SLC9A9: variants seen among roughly 807,000 people sequenced by gnomAD.
SLC9A9 encodes sodium/hydrogen exchanger 9.
A neutral mutation model predicts 77.8 loss-of-function variants in SLC9A9; 62 were observed. The ratio of observed to expected loss-of-function variants is 0.80; its 90% CI spans 0.65 to 0.98. The LOEUF is 0.98. SLC9A9 is among the 50% of genes least tolerant of loss of function. SLC9A9 has a pLI of 0.00. For synonymous variants in SLC9A9, 320 were observed against 283.5 expected (o/e 1.13, Z -1.29); for missense variants, 775 against 774.9 (o/e 1.00, Z 0.00).
chr3:143,624,533 G>C (rs1055174508), intron 6 of SLC9A9, among the ~76,000 whole-genome samples: 2 of 152,124 alleles, frequency 1.3e-5, no homozygotes, highest in African/African-American at 4.8e-5. Context: ...TATCTCAATA[G>C]GTGCAGAAAA....
Position 143,306,943 on chromosome 3 carries a change from T to C in SLC9A9, c.1605-37963A>G, listed in dbSNP as rs139257263. Among the ~76,000 whole-genome samples, 10 of 152,342 alleles carry C rather than the reference T, an allele frequency of 6.6e-5. No individual in the cohort carries two copies. In the East Asian group the frequency reaches 1.9e-3, roughly 29 times the overall value. On this transcript the variant is annotated intron_variant, in intron 14 of 15. Coordinates refer to ENST00000316549, the MANE Select transcript of SLC9A9 (RefSeq NM_173653.4). ...TACACATGCTATTTCCTTACTGTAGTTTGTATATGCATCCTTCAGGTCTCA... is the reference window on the plus strand; with the variant it reads ...TACACATGCTATTTCCTTACTGTAGCTTGTATATGCATCCTTCAGGTCTCA...
intron 1 of SLC9A9, among the ~76,000 whole-genome samples, chr3:143,844,531 CGGT>C (rs1209212334): frequency 6.6e-6 from 1 of 152,046 alleles, no homozygotes; most frequent in African/African-American, 2.4e-5. Flanking sequence ...GAACAGTACT[CGGT>C]GGAGTAGGGG....
intron 14 of SLC9A9, among the ~76,000 whole-genome samples, chr3:143,309,729 G>A (rs1337170381): frequency 6.6e-6 from 1 of 152,162 alleles, no homozygotes; most frequent in Non-Finnish European, 1.5e-5. Context: ...AAAAGAAAAG[G>A]TTGGAAAGAA....
rs570515602 is a variant in SLC9A9, at chr3:143,501,646, A to G, written c.1090-6198T>C. Among the ~76,000 whole-genome samples the G allele has an allele frequency of 3.3e-5, 5 of 150,976 alleles. 1 individual carries two copies. The highest frequency in any genetic ancestry group is 9.9e-5 in the African/African-American group (4 of 40,330). Reference sequence around the variant, plus strand: ...CTTTGACAATATGATAGAATCACTTATTTTCAATTGTAGATGGTTGTTGGC... The same window carrying G: ...CTTTGACAATATGATAGAATCACTTGTTTTCAATTGTAGATGGTTGTTGGC... On this transcript the variant is annotated intron_variant, in intron 9 of 15. Coordinates refer to ENST00000316549, the MANE Select transcript of SLC9A9 (RefSeq NM_173653.4).
chr3:143,821,048 C>T (rs928710846), intron 2 of SLC9A9, among the ~76,000 whole-genome samples: 1 of 152,124 alleles, frequency 6.6e-6, no homozygotes, highest in East Asian at 1.9e-4. Context: ...CAGCAAGGAC[C>T]ACAGTCACAG....
chr3:143,756,076 G>T (rs16854235), intron 4 of SLC9A9, among the ~76,000 whole-genome samples: 14,016 of 152,104 alleles, frequency 0.092, 2,088 homozygotes, highest in African/African-American at 0.32. Context: ...TAAAATACAG[G>T]GCCAGGTAAA....
At chr3:143,409,328 A>G (rs974254703) in intron 12 of SLC9A9, among the ~76,000 whole-genome samples, 5 of 152,182 alleles carry the variant, frequency 3.3e-5, no homozygotes, top group Non-Finnish European at 7.3e-5. Context: ...ATGCACAGAC[A>G]TTTTCAGGCA....
chr3:143,708,443 C>A (rs931910136), intron 4 of SLC9A9, among the ~76,000 whole-genome samples: 32 of 152,192 alleles, frequency 2.1e-4, no homozygotes, highest in African/African-American at 7.5e-4. Context: ...GATGTGTGAA[C>A]ACTGGAATGC....
intron 14 of SLC9A9, among the ~76,000 whole-genome samples, chr3:143,311,814 T>C (rs752339664): frequency 2.0e-5 from 3 of 152,230 alleles, no homozygotes; most frequent in Non-Finnish European, 4.4e-5. Context: ...TCATGTGTAC[T>C]GAAATCAACC....
In SLC9A9 at chr3:143,265,906, G is replaced by A. The variant is rs1352164676; in HGVS notation, c.*796C>T. On this transcript the variant is annotated 3_prime_UTR_variant, in exon 16 of 16. Transcript: ENST00000316549. ...TATCGCGGGGAGGGGGGGACCTGCTGCACAGCCAAGAAGTGACTCACATGC... is the reference window on the plus strand; with the variant it reads ...TATCGCGGGGAGGGGGGGACCTGCTACACAGCCAAGAAGTGACTCACATGC... 1.6e-6 allele frequency: 1 copy of A among 612,604 alleles called. No individual in the cohort carries two copies. Among genetic ancestry groups the A allele is most frequent in the Non-Finnish European group, 2.9e-6 (1 of 341,154 alleles). The allele number at this position is 612,604 out of a possible 1,614,324, so 37.9% of individuals were successfully genotyped here.
At chr3:143,824,217 AT>A (rs1217503331) in intron 2 of SLC9A9, among the ~76,000 whole-genome samples, 2 of 151,862 alleles carry the variant, frequency 1.3e-5, no homozygotes, top group African/African-American at 2.4e-5. Context: ...TTTAAAAAAT[AT>A]TTTTTTCTAA....
In SLC9A9 at chr3:143,265,880, A is replaced by G. The variant is rs566037254; in HGVS notation, c.*822T>C. On this transcript the variant is annotated 3_prime_UTR_variant, in exon 16 of 16. Coordinates refer to ENST00000316549, the MANE Select transcript of SLC9A9 (RefSeq NM_173653.4). ...AGGCTGCAGAATCCTACCCTCCAGC[A>G]TATCGCGGGGAGGGGGGGACCTGCT... 986 of 606,712 alleles carry G rather than the reference A, an allele frequency of 1.6e-3. 5 individuals carry two copies. The highest frequency in any genetic ancestry group is 3.6e-3 in the South Asian group (189 of 51,878). 37.6% of individuals were successfully genotyped at this position (606,712 alleles called of 1,614,324 possible). A position where few individuals can be genotyped will look rare whatever the true frequency, so the allele number is the denominator to read the frequency against.
At chr3:143,630,012 C>T (rs1301395418) in intron 6 of SLC9A9, among the ~76,000 whole-genome samples, 1 of 151,780 alleles carries the variant, frequency 6.6e-6, no homozygotes, top group African/African-American at 2.4e-5. Flanking sequence ...TTTTTACTTC[C>T]TTAGTGGCTA....
At chr3:143,566,780 G>A (rs2037176565) in intron 8 of SLC9A9, among the ~76,000 whole-genome samples, 2 of 152,092 alleles carry the variant, frequency 1.3e-5, no homozygotes, top group Admixed American at 6.6e-5. Flanking sequence ...TGGTGTCAAT[G>A]TTGCCATTAG....
chr3:143,582,858 G>C (rs1010657229), intron 6 of SLC9A9, among the ~76,000 whole-genome samples: 1 of 152,130 alleles, frequency 6.6e-6, no homozygotes, highest in Admixed American at 6.5e-5. Flanking sequence ...AAAAGAAGCA[G>C]AAGCCAGGCT....
chr3:143,328,533 C>T (rs907973079), intron 14 of SLC9A9, among the ~76,000 whole-genome samples: 16 of 152,088 alleles, frequency 1.1e-4, no homozygotes, highest in Non-Finnish European at 2.2e-4. Context: ...TGACACATTC[C>T]GTTCTCCATC....
intron 12 of SLC9A9, among the ~76,000 whole-genome samples, chr3:143,410,949 G>T (rs2034085119): frequency 6.6e-6 from 1 of 151,702 alleles, no homozygotes; most frequent in South Asian, 2.1e-4. Context: ...AACCTTTTTT[G>T]GTAATCATTT....
chr3:143,762,332 A>G (rs1479452878), intron 4 of SLC9A9, among the ~76,000 whole-genome samples: 1 of 152,182 alleles, frequency 6.6e-6, no homozygotes, highest in East Asian at 1.9e-4. Context: ...CTAGAACTTA[A>G]AGTATAAAAT....
intron 14 of SLC9A9, among the ~76,000 whole-genome samples, chr3:143,302,736 ATGAC>A (rs1281740837): frequency 6.6e-6 from 1 of 152,222 alleles, no homozygotes; most frequent in Admixed American, 6.5e-5. Flanking sequence ...AACAGACAGA[ATGAC>A]TGCGTTTGAC....
Sources: gnomAD v4.1 joint callset for allele counts (sites outside exome capture counted in the v4.1 genomes callset) on GRCh38, gnomAD v4.1.1 for gene constraint, MANE v1.5 for transcripts, NCBI Gene and HGNC (gene_info 2026-07-23, HGNC 2026-07-21) for gene names.